The following FHAD1 variants were observed in gnomAD, a reference collection of about 807,000 sequenced individuals.
The protein encoded by FHAD1 is forkhead-associated domain-containing protein 1.
Under a neutral mutation model 191.3 loss-of-function variants are expected in FHAD1, and 146 were observed. That is an observed-to-expected ratio of 0.76 (90% CI 0.67 to 0.88). FHAD1 has a LOEUF of 0.88. FHAD1 is among the 40% of genes least tolerant of loss of function. The probability of loss-of-function intolerance (pLI) is 0.00; values close to 1 mark genes in which losing one functional copy is unlikely to be tolerated. For missense variants in FHAD1, 1,635 were observed against 1,785.8 expected, an observed-to-expected ratio of 0.92 and a Z score of 1.52; for synonymous variants, 616 against 672.3, an observed-to-expected ratio of 0.92 and a Z score of 1.29.
chr1:15,296,803 G>A lies in FHAD1; in HGVS notation c.678+10G>A. On this transcript the variant is annotated intron_variant, in intron 5 of 33. Transcript: ENST00000688493. The stretch of plus-strand genomic sequence containing the variant: ...GGCCCAGCAGGACAAGGTGAGGGAG[G>A]GGTCTGGGGAAGGGTGGAGCTGCAG... 6.5e-7 allele frequency: 1 copy of A among 1,548,802 alleles called. No individual in the cohort carries two copies. The highest frequency in any genetic ancestry group is 8.7e-7 in the Non-Finnish European group (1 of 1,144,690).
intron 28 of FHAD1, among the ~76,000 whole-genome samples, chr1:15,377,135 G>A (rs1053304350): frequency 7.2e-5 from 11 of 152,088 alleles, no homozygotes; most frequent in Non-Finnish European, 1.5e-4. Context: ...AGGACCCGCC[G>A]AGGGCACGTG....
At chr1:15,278,972 G>T (rs10927762) in intron 3 of FHAD1, among the ~76,000 whole-genome samples, 31,991 of 151,916 alleles carry the variant, frequency 0.21, 4,722 homozygotes, top group African/African-American at 0.41. Flanking sequence ...TTTTCCCTGG[G>T]ATAACTTTTG....
chr1:15,241,970 C>T (rs1051293661), intron 1 of FHAD1, among the ~76,000 whole-genome samples: 1 of 152,174 alleles, frequency 6.6e-6, no homozygotes, highest in African/African-American at 2.4e-5. Flanking sequence ...TGCAGTGGCT[C>T]ACGCCTCTAA....
At chr1:15,363,601 A>G (rs1695497170) in intron 23 of FHAD1, 6 of 352,988 alleles carry the variant, frequency 1.7e-5, no homozygotes, top group South Asian at 1.3e-4. Flanking sequence ...AAGCCCACTC[A>G]CAGGTGTTAT....
At chr1:15,258,288 T>G (rs978628095) in intron 2 of FHAD1, among the ~76,000 whole-genome samples, 1 of 152,334 alleles carries the variant, frequency 6.6e-6, no homozygotes, top group Admixed American at 6.5e-5. Context: ...ACAAAGTACT[T>G]TCTGTCTCTG....
chr1:15,352,101 C>T (rs1314217556), intron 19 of FHAD1, among the ~76,000 whole-genome samples: 1 of 152,126 alleles, frequency 6.6e-6, no homozygotes, highest in African/African-American at 2.4e-5. Flanking sequence ...ATAAAAGTTG[C>T]CATAATCCCA....
chr1:15,350,673 A>T (rs1266778394), intron 19 of FHAD1, among the ~76,000 whole-genome samples: 1 of 152,224 alleles, frequency 6.6e-6, no homozygotes, highest in Non-Finnish European at 1.5e-5. Flanking sequence ...CCATGCCCTC[A>T]TCTGCCATGT....
At chr1:15,308,522 T>C in intron 6 of FHAD1, 91 bp from the exon 7 acceptor site, 3 of 1,498,238 alleles carry the variant, frequency 2.0e-6, no homozygotes, top group Non-Finnish European at 8.9e-7. Context: ...CAAAACTCAA[T>C]CTGAATCTTT....
At chr1:15,353,627 C>T (rs1691627901) in intron 20 of FHAD1, among the ~76,000 whole-genome samples, 1 of 146,026 alleles carries the variant, frequency 6.8e-6, no homozygotes, top group Non-Finnish European at 1.5e-5. Flanking sequence ...ATCGCTTGAA[C>T]CTGGGAGGCG....
chr1:15,347,418 T>G (rs1261297539), intron 18 of FHAD1, among the ~76,000 whole-genome samples: 1 of 152,196 alleles, frequency 6.6e-6, no homozygotes, highest in Non-Finnish European at 1.5e-5. Context: ...ATCGGGGGAA[T>G]TTGAAAGAGC....
chr1:15,307,460 A>C (rs940941100), intron 6 of FHAD1, among the ~76,000 whole-genome samples: 4 of 152,172 alleles, frequency 2.6e-5, no homozygotes, highest in African/African-American at 9.7e-5. Context: ...CCAGGGGCAG[A>C]ATGATATGGT....
At position 15,289,772 on chromosome 1, in the gene FHAD1, T is replaced by A. The variant is rs1041475419; in HGVS notation, c.568+106T>A. The A allele has an allele frequency of 5.0e-6, 7 of 1,403,502 alleles. No homozygotes were observed. The highest frequency in any genetic ancestry group is 6.6e-6 in the Non-Finnish European group (7 of 1,066,316). 86.9% of individuals were successfully genotyped at this position (1,403,502 alleles called of 1,614,324 possible). A position where few individuals can be genotyped will look rare whatever the true frequency, so the allele number is the denominator to read the frequency against. On this transcript the variant is annotated intron_variant, in intron 4 of 33. Transcript: ENST00000688493. The surrounding 1 kb of genome is among the most constrained non-coding windows in gnomAD (Gnocchi z 4.2). Reference sequence around the variant, plus strand: ...ATTCTAAAAGTAGAACATATTCAATTGTAAAAAATGAAAATAAATTCAGGA... The same window carrying A: ...ATTCTAAAAGTAGAACATATTCAATAGTAAAAAATGAAAATAAATTCAGGA...
At position 15,289,337 on chromosome 1, in the gene FHAD1, C is replaced by T; in HGVS notation, c.301-62C>T. 1 of 1,515,952 alleles carries T rather than the reference C, an allele frequency of 6.6e-7. No homozygotes were observed. Among genetic ancestry groups the T allele is most frequent in the East Asian group, 2.5e-5 (1 of 40,460 alleles). The allele number at this position is 1,515,952 out of a possible 1,614,324, so 93.9% of individuals were successfully genotyped here. A position where few individuals can be genotyped will look rare whatever the true frequency, so the allele number is the denominator to read the frequency against. On this transcript the variant is annotated intron_variant, in intron 3 of 33. Coordinates refer to ENST00000688493, the MANE Select transcript of FHAD1 (RefSeq NM_001391957.1). The surrounding 1 kb of genome is among the most constrained non-coding windows in gnomAD (Gnocchi z 4.2). Reference sequence around the variant, plus strand: ...TTGGGCAGCAATGCTGTGGCTGGGACAAAGAAATGGAGACCATCCCAGCCG... The same window carrying T: ...TTGGGCAGCAATGCTGTGGCTGGGATAAAGAAATGGAGACCATCCCAGCCG...
chr1:15,364,296 A>G (rs1195226359), intron 23 of FHAD1: 1 of 156,018 alleles, frequency 6.4e-6, no homozygotes, highest in Non-Finnish European at 1.4e-5. Flanking sequence ...TTTAATTCAT[A>G]ATAAACACAG....
intron 6 of FHAD1, among the ~76,000 whole-genome samples, chr1:15,302,256 A>C (rs1050877893): frequency 6.6e-6 from 1 of 152,162 alleles, no homozygotes; most frequent in African/African-American, 2.4e-5. Context: ...GGGAGAAGGA[A>C]CTGCCCGGTG....
chr1:15,292,603 T>G (rs1665242972), intron 4 of FHAD1, among the ~76,000 whole-genome samples: 1 of 152,128 alleles, frequency 6.6e-6, no homozygotes, highest in Non-Finnish European at 1.5e-5. Flanking sequence ...GGTAATTAAG[T>G]TAAAATGAGG....
intron 2 of FHAD1, among the ~76,000 whole-genome samples, chr1:15,266,530 A>G (rs1374807734): frequency 1.3e-5 from 2 of 151,904 alleles, no homozygotes; most frequent in Non-Finnish European, 2.9e-5. Flanking sequence ...TTCCCCTATT[A>G]TTAACATCTT....
At chr1:15,348,169 T>C (rs1320415450) in intron 18 of FHAD1, among the ~76,000 whole-genome samples, 3 of 152,172 alleles carry the variant, frequency 2.0e-5, no homozygotes. Flanking sequence ...GACAGCAGAG[T>C]GTTAGAGTTT....
Position 15,349,541 on chromosome 1 carries a change from T to C in FHAD1, c.2454+392T>C, listed in dbSNP as rs115195363. On this transcript the variant is annotated intron_variant, in intron 19 of 33. Coordinates refer to ENST00000688493, the MANE Select transcript of FHAD1 (RefSeq NM_001391957.1). ...GGCTTAGTGAGCATCATCCTCACAG[T>C]AGAGCGGCATGTGTGCCACACCTGG... is the stretch of plus-strand genomic sequence containing the variant. Among the ~76,000 whole-genome samples the C allele has an allele frequency of 9.4e-3, 1,428 of 152,312 alleles. 23 individuals are homozygous for C. The highest frequency in any genetic ancestry group is 0.032 in the African/African-American group (1,339 of 41,570).
Sources: gnomAD v4.1 joint callset for allele counts (sites outside exome capture counted in the v4.1 genomes callset) on GRCh38, gnomAD v4.1.1 for gene constraint, Gnocchi (gnomAD v3.1) non-coding constraint, MANE v1.5 for transcripts, NCBI Gene and HGNC (gene_info 2026-07-23, HGNC 2026-07-21) for gene names.